Variants in CGNL1 observed in about 807,000 individuals in gnomAD.
CGNL1 encodes cingulin like 1, also known as cingulin-like protein 1.
A neutral mutation model predicts 141.2 loss-of-function variants in CGNL1; 132 were observed. The observed-to-expected ratio is 0.93, with a 90% CI of 0.81 to 1.08. The LOEUF is 1.08. CGNL1 is among the 50% of genes least tolerant of loss of function. CGNL1 has a pLI of 0.00. For synonymous variants in CGNL1, 690 were observed against 622.1 expected (o/e 1.11, Z -1.63); for missense variants, 1,870 against 1,588.6 (o/e 1.18, Z -3.01).
rs2063172475 is a variant in CGNL1 at position 57,440,439 on chromosome 15, TA to T, written c.1667del (p.Lys556SerfsTer33). 2 of 1,599,174 alleles carry T rather than the reference TA, an allele frequency of 1.3e-6. No homozygotes were observed. Among genetic ancestry groups the T allele is most frequent in the Non-Finnish European group, 1.7e-6 (2 of 1,171,982 alleles). ...LTQQTNEETA[K>X]QILYNYLKEG... is the part of the protein sequence containing the mutation. ...CTCAGCAAACCAATGAGGAGACAGC[TA>T]AGCAGATTCTCTACAATTACCTCAA... On this transcript the variant is annotated frameshift_variant, in exon 3 of 19. Coordinates refer to ENST00000281282, the MANE Select transcript of CGNL1 (RefSeq NM_032866.5). LOFTEE classifies it high-confidence loss of function.
chr15:57,416,312 A>G (rs1324292780), intron 1 of CGNL1, among the ~76,000 whole-genome samples: 2 of 151,834 alleles, frequency 1.3e-5, no homozygotes, highest in African/African-American at 4.8e-5. Context: ...GCAGGTTGGT[A>G]ACTTGCCCAA....
intron 8 of CGNL1, among the ~76,000 whole-genome samples, chr15:57,486,634 A>T (rs1348313949): frequency 6.6e-6 from 1 of 152,204 alleles, no homozygotes; most frequent in Non-Finnish European, 1.5e-5. Context: ...CTTTTACGTT[A>T]GGTGACTGGT....
intron 1 of CGNL1, among the ~76,000 whole-genome samples, chr15:57,397,716 A>T (rs951674003): frequency 4.6e-5 from 7 of 151,606 alleles, no homozygotes; most frequent in Admixed American, 6.6e-5. Flanking sequence ...TTTCTTGATT[A>T]TGTAGTCTTC....
In CGNL1 at chr15:57,439,047, A is replaced by G. The variant is rs377237182; in HGVS notation, c.1048A>G (p.Ile350Val). ...TGGACGGGATATTGATACAGGATCA[A>G]TTCCTGGTGTGGATCAGTTAATTGA... ...GTGRDIDTGS[I>V]PGVDQLIEKF... is the part of the protein sequence containing the mutation. Residue 350 changes from isoleucine (I) to valine (V), a missense_variant, in exon 2 of 19, where the codon ATT becomes GTT. Coordinates refer to ENST00000281282, the MANE Select transcript of CGNL1 (RefSeq NM_032866.5). The G allele has an allele frequency of 2.4e-5, 38 of 1,614,100 alleles. No individual in the cohort carries two copies. The East Asian group carries it at 3.1e-4, about 13-fold the overall frequency.
intron 8 of CGNL1, among the ~76,000 whole-genome samples, chr15:57,487,583 C>T (rs1440742391): frequency 1.3e-5 from 2 of 152,080 alleles, no homozygotes; most frequent in African/African-American, 4.8e-5. Context: ...TCAGATTTTC[C>T]TTTTGTTCAG....
In CGNL1 at chr15:57,391,760, C is replaced by T. The variant is rs941071773; in HGVS notation, c.-16+15193C>T. The stretch of plus-strand genomic sequence containing the variant: ...GACCCAGGCTTATTTCCTCTTTCCT[C>T]GCCTCAGTGTTTGATGTTTGCCTTC... On this transcript the variant is annotated intron_variant, in intron 1 of 18. Transcript: ENST00000281282. Among the ~76,000 whole-genome samples the T allele has an allele frequency of 1.3e-4, 20 of 152,236 alleles. No individual in the cohort carries two copies. In the East Asian group the frequency reaches 1.4e-3, roughly 10 times the overall value.
At chr15:57,546,043 C>G (rs754497773) in intron 17 of CGNL1, 33 bp from the exon 18 acceptor site, 7 of 1,594,790 alleles carry the variant, frequency 4.4e-6, no homozygotes, top group South Asian at 1.1e-5. Context: ...GGGCCATCAG[C>G]CGGCACTCAG....
intron 8 of CGNL1, among the ~76,000 whole-genome samples, chr15:57,492,779 C>T (rs1224323200): frequency 6.6e-6 from 1 of 152,050 alleles, no homozygotes; most frequent in South Asian, 2.1e-4. Context: ...ACCCAAGTTT[C>T]CTTGCTAGCC....
At chr15:57,450,981 G>C (rs2152320695) in intron 4 of CGNL1, among the ~76,000 whole-genome samples, 1 of 151,150 alleles carries the variant, frequency 6.6e-6, no homozygotes, top group South Asian at 2.1e-4. Context: ...CCACTCTTAA[G>C]AAACACTAAA....
At chr15:57,542,560 G>A (rs560291477) in intron 14 of CGNL1, among the ~76,000 whole-genome samples, 1 of 152,230 alleles carries the variant, frequency 6.6e-6, no homozygotes, top group Non-Finnish European at 1.5e-5. Context: ...AAACCCTCAG[G>A]AGTGTTCAGC....
chr15:57,487,809 C>A (rs1210104202), intron 8 of CGNL1, among the ~76,000 whole-genome samples: 1 of 152,114 alleles, frequency 6.6e-6, no homozygotes, highest in African/African-American at 2.4e-5. Flanking sequence ...AGAAAAAAAC[C>A]TTTAGATTAC....
At chr15:57,500,320 G>A (rs2064005204) in intron 8 of CGNL1, among the ~76,000 whole-genome samples, 1 of 152,218 alleles carries the variant, frequency 6.6e-6, no homozygotes, top group Admixed American at 6.5e-5. Context: ...GAATGGTGCT[G>A]CCATTGTCAG....
At chr15:57,472,585 G>A (rs1332783906) in intron 8 of CGNL1, among the ~76,000 whole-genome samples, 1 of 152,130 alleles carries the variant, frequency 6.6e-6, no homozygotes, top group Non-Finnish European at 1.5e-5. Context: ...TGGAGGCACG[G>A]GATCTTTGAG....
chr15:57,405,047 T>C (rs540586859), intron 1 of CGNL1: 2 of 152,346 alleles, frequency 1.3e-5, no homozygotes, highest in East Asian at 1.9e-4. Context: ...CACATTTGTA[T>C]TGGTGCTTTC....
At chr15:57,423,386 A>G (rs561060970) in intron 1 of CGNL1, among the ~76,000 whole-genome samples, 117 of 152,334 alleles carry the variant, frequency 7.7e-4, no homozygotes, top group African/African-American at 2.8e-3. Flanking sequence ...AGCAGATTTC[A>G]TACTGGGCTG....
chr15:57,438,012 T>G lies in CGNL1; in HGVS notation c.13T>G (p.Phe5Val). Reference protein sequence around the residue: MELYFGEYQHVQQEY... With the variant: MELYVGEYQHVQQEY... ...GGAACAGTGAACCATGGAGCTGTAT[T>G]TCGGTGAATATCAACATGTGCAGCA... Residue 5 changes from phenylalanine to valine, a missense_variant, in exon 2 of 19, where the codon TTC becomes GTC. By Grantham distance (50) the Phe-to-Val change is conservative (BLOSUM62 -1). Coordinates refer to ENST00000281282, the MANE Select transcript of CGNL1 (RefSeq NM_032866.5). 1 of 1,611,850 alleles carries G rather than the reference T, an allele frequency of 6.2e-7. No individual in the cohort carries two copies. Among genetic ancestry groups the G allele is most frequent in the South Asian group, 1.1e-5 (1 of 91,042 alleles).
intron 14 of CGNL1, among the ~76,000 whole-genome samples, chr15:57,543,212 T>G (rs2032660018): frequency 8.5e-6 from 1 of 117,166 alleles, no homozygotes; most frequent in Non-Finnish European, 1.7e-5. Context: ...ATCACCCCAA[T>G]CCTCCATCTC....
chr15:57,434,898 A>T (rs1310047261), intron 1 of CGNL1, among the ~76,000 whole-genome samples: 11 of 152,134 alleles, frequency 7.2e-5, no homozygotes, highest in African/African-American at 2.4e-4. Context: ...CTTCTATCAG[A>T]CCAATTGGGT....
At chr15:57,523,704 C>T in intron 11 of CGNL1, 63 bp downstream of exon 11, 1 of 1,568,552 alleles carries the variant, frequency 6.4e-7, no homozygotes. Flanking sequence ...CCAGTCCCCT[C>T]TGAGGGTCTG....
Sources: allele counts gnomAD v4.1 joint callset (sites outside exome capture counted in the v4.1 genomes callset), GRCh38; gene constraint gnomAD v4.1.1; transcripts MANE v1.5; gene names NCBI Gene and HGNC (gene_info 2026-07-23, HGNC 2026-07-21).